Variants in SCN1A observed in about 807,000 individuals in gnomAD.
SCN1A encodes the protein sodium voltage-gated channel alpha subunit 1, also known as sodium channel protein type 1 subunit alpha.
A neutral mutation model predicts 193.7 loss-of-function variants in SCN1A; 13 were observed. The observed-to-expected ratio is 0.07, with a 90% CI of 0.04 to 0.11. The LOEUF is 0.11. Among genes scored for constraint, SCN1A ranks in the 10% least tolerant of loss-of-function variants. The pLI is 1.00. For synonymous variants in SCN1A, 781 were observed against 843.6 expected, an observed-to-expected ratio of 0.93 and a Z score of 1.29; for missense variants, 1,432 against 2,451.1, an observed-to-expected ratio of 0.58 and a Z score of 8.78.
chr2:166,031,038 G>A (rs915530083), intron 19 of SCN1A, among the ~76,000 whole-genome samples: 1 of 151,994 alleles, frequency 6.6e-6, no homozygotes, highest in African/African-American at 2.4e-5. Context: ...ACTATGGCAT[G>A]AGTCAAGAAA....
chr2:166,095,797 G>A (rs114557836), intron 2 of SCN1A, among the ~76,000 whole-genome samples: 1,865 of 152,164 alleles, frequency 0.012, 44 homozygotes, highest in African/African-American at 0.041. Context: ...ATTAATATCA[G>A]TTTCACTTAA....
rs75212544 is a variant in SCN1A, at chr2:166,111,793, A to G, written c.-142+15131T>C. On this transcript the variant is annotated intron_variant, in intron 2 of 28. Transcript: ENST00000674923. ...AGGAGTTTGGAAGAAATCGATTCCA[A>G]CTTTCATGGATGACTTTGAGGGGTA... Among the ~76,000 whole-genome samples, 42 of 152,264 alleles carry G rather than the reference A, an allele frequency of 2.8e-4. No individual in the cohort carries two copies. The East Asian group carries it at 7.0e-3, about 25-fold the overall frequency.
intron 4 of SCN1A, chr2:166,071,907 A>AC (rs1225048186): frequency 6.6e-6 from 1 of 151,872 alleles, no homozygotes; most frequent in East Asian, 1.9e-4. Context: ...AAAAAAAAAA[A>AC]GGGAAAATAT....
rs1478277926 is a variant in SCN1A at position 166,052,880 on chromosome 2, T to C, written c.666A>G (p.Arg222=). Residue 222 remains arginine, a synonymous_variant, in exon 8 of 29, where the codon CGA becomes CGG. Transcript: ENST00000674923. ...GAATGACTGAAATCGTCTTCAATGCTCGGAGAACTCTGAATGTTCTCAATG... is the reference window on the plus strand; with the variant it reads ...GAATGACTGAAATCGTCTTCAATGCCCGGAGAACTCTGAATGTTCTCAATG... The part of the protein sequence containing the change: ...VSALRTFRVL[R]ALKTISVIPG... 1 of 1,612,376 alleles carries C rather than the reference T, an allele frequency of 6.2e-7. No homozygotes were observed. The highest frequency in any genetic ancestry group is 8.5e-7 in the Non-Finnish European group (1 of 1,179,062).
chr2:165,991,466 G>A lies in SCN1A; in HGVS notation c.5809C>T (p.Gln1937Ter), dbSNP rs1358776988. Residue 1937 changes from glutamine to a stop codon, truncating the protein, a stop_gained, in exon 29 of 29, where the codon CAA (glutamine) becomes TAA (stop). Transcript: ENST00000674923. LOFTEE classifies it high-confidence loss of function. The part of the protein sequence containing the change: ...RRHLLKRTVK[Q>*]ASFTYNKNKI... ...TTTTTATTGTACGTAAAGGAAGCTT[G>A]TTTTACAGTTCGCTTTAAAAGGTGG... The A allele has an allele frequency of 6.2e-7, 1 of 1,613,826 alleles. No homozygotes were observed. Among genetic ancestry groups the A allele is most frequent in the African/African-American group, 1.3e-5 (1 of 74,998 alleles).
At chr2:166,110,181 T>A (rs930832087) in intron 2 of SCN1A, among the ~76,000 whole-genome samples, 1 of 150,332 alleles carries the variant, frequency 6.7e-6, no homozygotes, top group East Asian at 1.9e-4. Context: ...TAAAAAAAAT[T>A]TTTTTTTAAT....
rs924198007 is a variant in SCN1A, at chr2:166,073,615, G to T, written c.7C>A (p.Gln3Lys). The stretch of plus-strand genomic sequence containing the variant: ...GGTCCTGGTGGTACAAGCACTGTTT[G>T]CTCCATCTTGTCATCCTGCACATTT... ME[Q>K]TVLVPPGPDS... The change falls in exon 4 of 29, where the codon CAA (glutamine) becomes AAA (lysine). Residue 3 changes from glutamine to lysine, a missense_variant. By Grantham distance (53) the Gln-to-Lys change is moderately conservative. This residue lies in a region of SCN1A where 55 missense variants were observed against 58.4 expected (regional missense o/e 0.94). Coordinates refer to ENST00000674923, the MANE Select transcript of SCN1A (RefSeq NM_001165963.4). 1 of 1,614,140 alleles carries T rather than the reference G, an allele frequency of 6.2e-7. No homozygotes were observed. The highest frequency in any genetic ancestry group is 1.3e-5 in the African/African-American group (1 of 75,048).
upstream of SCN1A, among the ~76,000 whole-genome samples, chr2:166,129,429 G>T (rs1016552748): frequency 6.6e-6 from 1 of 152,124 alleles, no homozygotes; most frequent in Non-Finnish European, 1.5e-5. Context: ...ATCTATAAAA[G>T]AAAGAAATTA....
chr2:166,113,389 A>G (rs1319163024), intron 2 of SCN1A, among the ~76,000 whole-genome samples: 1 of 152,130 alleles, frequency 6.6e-6, no homozygotes, highest in Non-Finnish European at 1.5e-5. Flanking sequence ...ATGAATGACT[A>G]GTAAATGAAA....
intron 19 of SCN1A, among the ~76,000 whole-genome samples, chr2:166,030,700 G>T (rs1695444204): frequency 5.9e-5 from 9 of 151,386 alleles, no homozygotes. Context: ...GGGTAATATA[G>T]ATTTAGCGAT....
intron 18 of SCN1A, 51 bp downstream of exon 18, chr2:166,037,725 A>T (rs748537633): frequency 7.2e-6 from 11 of 1,526,738 alleles, no homozygotes; most frequent in Non-Finnish European, 9.1e-6. Context: ...ATATGTATAC[A>T]TGTGCCATGC....
chr2:166,091,852 C>T (rs115581950), intron 2 of SCN1A, among the ~76,000 whole-genome samples: 265 of 152,214 alleles, frequency 1.7e-3, no homozygotes, highest in Middle Eastern at 3.4e-3. Flanking sequence ...CCACAGTGTG[C>T]TCAGTAATTT....
chr2:166,127,213 C>T (rs1000602633), intron 1 of SCN1A, among the ~76,000 whole-genome samples: 3 of 152,112 alleles, frequency 2.0e-5, no homozygotes, highest in African/African-American at 7.2e-5. Flanking sequence ...AATCATTGCC[C>T]CTTCCTTGTT....
intron 19 of SCN1A, among the ~76,000 whole-genome samples, chr2:166,026,710 G>T: frequency 9.2e-6 from 1 of 108,942 alleles, no homozygotes; most frequent in African/African-American, 3.8e-5. Flanking sequence ...TTGAGACTGA[G>T]TCTTGCTCTG....
At chr2:166,114,757 A>C (rs186232946) in intron 2 of SCN1A, among the ~76,000 whole-genome samples, 1 of 152,326 alleles carries the variant, frequency 6.6e-6, no homozygotes, top group East Asian at 1.9e-4. Flanking sequence ...GAAGCCATTA[A>C]TATTATACTT....
At chr2:166,078,073 C>T (rs1685148401) in intron 2 of SCN1A, among the ~76,000 whole-genome samples, 1 of 151,768 alleles carries the variant, frequency 6.6e-6, no homozygotes, top group Admixed American at 6.6e-5. Context: ...CTTTGCATGA[C>T]ACTGTAATAG....
At chr2:166,031,034 G>A (rs1225495689) in intron 19 of SCN1A, among the ~76,000 whole-genome samples, 1 of 151,734 alleles carries the variant, frequency 6.6e-6, no homozygotes, top group African/African-American at 2.4e-5. Flanking sequence ...TCCTACTATG[G>A]CATGAGTCAA....
chr2:166,056,288 G>A (rs1443056755), intron 6 of SCN1A, 123 bp downstream of exon 6: 2 of 692,330 alleles, frequency 2.9e-6, no homozygotes, highest in Non-Finnish European at 5.2e-6. Context: ...TCCTCTTGCT[G>A]CGTAATTTTG....
intron 5 of SCN1A, among the ~76,000 whole-genome samples, chr2:166,058,356 TATATATA>T (rs1247339501): frequency 6.6e-6 from 1 of 152,008 alleles, no homozygotes; most frequent in East Asian, 1.9e-4. Context: ...AATACATGTT[TATATATA>T]ATATATAAAA....
Sources: allele counts gnomAD v4.1 joint callset (sites outside exome capture counted in the v4.1 genomes callset), GRCh38; gene constraint gnomAD v4.1.1; regional missense constraint gnomAD v4.1.1; transcripts MANE v1.5; gene names NCBI Gene and HGNC (gene_info 2026-07-23, HGNC 2026-07-21).